The following ST8SIA6 variants were observed in gnomAD, a reference collection of about 807,000 sequenced individuals.
ST8SIA6 encodes the protein alpha-2,8-sialyltransferase 8F.
ST8SIA6 carries 39 observed loss-of-function variants against 33.6 expected under a neutral mutation model. That is an observed-to-expected ratio of 1.16 (90% confidence interval 0.90 to 1.52). ST8SIA6 has a LOEUF of 1.52. Among genes scored for constraint, ST8SIA6 ranks in the 40% most tolerant of loss-of-function variants. The pLI is 0.00. For missense variants in ST8SIA6, 441 were observed against 443.8 expected (o/e 0.99, Z 0.06); for synonymous variants, 172 against 167.2 (o/e 1.03, Z -0.22).
At chr10:17,452,942 T>A (rs1181294998) in intron 2 of ST8SIA6, among the ~76,000 whole-genome samples, 1 of 152,082 alleles carries the variant, frequency 6.6e-6, no homozygotes, top group Non-Finnish European at 1.5e-5. Flanking sequence ...TTGAATATGG[T>A]CTCTGAGAGG....
intron 4 of ST8SIA6, among the ~76,000 whole-genome samples, chr10:17,341,999 C>T (rs1303455296): frequency 6.6e-6 from 1 of 151,766 alleles, no homozygotes; most frequent in Non-Finnish European, 1.5e-5. Context: ...TTACCAGAAC[C>T]ATGCTGGCAC....
intron 3 of ST8SIA6, among the ~76,000 whole-genome samples, chr10:17,361,627 A>G (rs1297484217): frequency 6.6e-6 from 1 of 151,710 alleles, no homozygotes; most frequent in African/African-American, 2.4e-5. Flanking sequence ...AAAGTCTTCT[A>G]GAAAATTGAA....
intron 6 of ST8SIA6, among the ~76,000 whole-genome samples, chr10:17,324,818 CAT>C (rs1848069744): frequency 1.4e-5 from 2 of 144,000 alleles, no homozygotes; most frequent in African/African-American, 5.1e-5. Flanking sequence ...TACATGCATA[CAT>C]ATTATAGATT....
chr10:17,429,353 C>T (rs1852031293), intron 2 of ST8SIA6, among the ~76,000 whole-genome samples: 1 of 151,832 alleles, frequency 6.6e-6, no homozygotes, highest in Admixed American at 6.6e-5. Context: ...ACTCTGTTGC[C>T]CAGGCTGGAG....
chr10:17,384,500 A>G (rs1380325571), intron 3 of ST8SIA6, among the ~76,000 whole-genome samples: 1 of 152,236 alleles, frequency 6.6e-6, no homozygotes, highest in African/African-American at 2.4e-5. Flanking sequence ...TGGAGAGAGA[A>G]AAAAATTGTG....
In ST8SIA6 at chr10:17,405,879, C is replaced by T. The variant is rs938885134; in HGVS notation, c.201-15259G>A. ...CAGCCTGGGCAAGAGAGCAAGACTC[C>T]ATTTCAAAAAAAAAAAAAAAAAAGA... is the stretch of plus-strand genomic sequence containing the variant. On this transcript the variant is annotated intron_variant, in intron 2 of 7. Transcript: ENST00000377602. Among the ~76,000 whole-genome samples the T allele has an allele frequency of 1.1e-4, 14 of 131,976 alleles. No homozygotes were observed. In the South Asian group the frequency reaches 2.7e-3, roughly 26 times the overall value. 86.6% of individuals were successfully genotyped at this position (131,976 alleles called of 152,430 possible). A position where few individuals can be genotyped will look rare whatever the true frequency, so the allele number is the denominator to read the frequency against.
At position 17,321,101 on chromosome 10, in the gene ST8SIA6, A is replaced by T; in HGVS notation, c.974T>A (p.Leu325Ter). The T allele has an allele frequency of 6.2e-7, 1 of 1,614,118 alleles. No homozygotes were observed. ...TTCCACTGCAACACTTGTGATCATC[A>T]AGCCGGTGGACAAGCGGTATGCAGT... is the stretch of plus-strand genomic sequence containing the variant. ...GVTAYRLSTG[L>*]MITSVAVELC... Residue 325 changes from leucine to a stop codon, truncating the protein, a stop_gained, in exon 8 of 8, where the codon TTG (leucine) becomes TAG (stop). Coordinates refer to ENST00000377602, the MANE Select transcript of ST8SIA6 (RefSeq NM_001004470.3). LOFTEE classifies it high-confidence loss of function.
intron 3 of ST8SIA6, among the ~76,000 whole-genome samples, chr10:17,363,285 T>TGC: frequency 7.4e-6 from 1 of 134,384 alleles, no homozygotes; most frequent in East Asian, 2.7e-4. Context: ...ATTAAAGGCA[T>TGC]GCATATGTGT....
chr10:17,339,594 C>G (rs1324615049), intron 4 of ST8SIA6, among the ~76,000 whole-genome samples: 1 of 152,156 alleles, frequency 6.6e-6, no homozygotes, highest in Non-Finnish European at 1.5e-5. Context: ...CAATCCAGCA[C>G]TTGCCTGTCT....
rs375072438 is a variant in ST8SIA6, at chr10:17,446,867, G to T, written c.200+6692C>A. On this transcript the variant is annotated intron_variant, in intron 2 of 7. Transcript: ENST00000377602. ...CACCTGAGGTCAGGAGTTCAAGACT[G>T]GCCTGGTGTCTACCAAAAAAAAAAA... Among the ~76,000 whole-genome samples, 6 of 150,540 alleles carry T rather than the reference G, an allele frequency of 4.0e-5. 1 individual carries two copies. In the South Asian group the frequency reaches 1.3e-3, roughly 32 times the overall value.
Position 17,408,456 on chromosome 10 carries a change from G to A in ST8SIA6, c.201-17836C>T, listed in dbSNP as rs1038166790. ...GAGGAGGGTGGATCACTTGAGGTCAGGAGTTCAGGATCAGCCTGGCCAACA... is the reference window on the plus strand; with the variant it reads ...GAGGAGGGTGGATCACTTGAGGTCAAGAGTTCAGGATCAGCCTGGCCAACA... On this transcript the variant is annotated intron_variant, in intron 2 of 7. Transcript: ENST00000377602. 5.9e-5 allele frequency among the ~76,000 whole-genome samples: 9 copies of A among 152,214 alleles called. No individual in the cohort carries two copies. In the East Asian group the frequency reaches 1.8e-3, roughly 30 times the overall value.
intron 4 of ST8SIA6, among the ~76,000 whole-genome samples, chr10:17,345,268 G>A (rs1371867584): frequency 6.6e-6 from 1 of 152,150 alleles, no homozygotes; most frequent in Non-Finnish European, 1.5e-5. Context: ...GCTCTGAGTG[G>A]GACAATCCAC....
At chr10:17,341,872 G>A (rs1297458455) in intron 4 of ST8SIA6, among the ~76,000 whole-genome samples, 6 of 130,606 alleles carry the variant, frequency 4.6e-5, no homozygotes, top group Admixed American at 3.7e-4. Flanking sequence ...CTGCACTCCA[G>A]CCTGGGCAAC....
chr10:17,416,863 T>C (rs944609934), intron 2 of ST8SIA6, among the ~76,000 whole-genome samples: 2 of 152,226 alleles, frequency 1.3e-5, no homozygotes, highest in Non-Finnish European at 2.9e-5. Context: ...CTTCTGAGGC[T>C]TCACTTATTA....
chr10:17,425,536 C>T (rs545108872), intron 2 of ST8SIA6, among the ~76,000 whole-genome samples: 25 of 151,618 alleles, frequency 1.6e-4, no homozygotes, highest in African/African-American at 4.8e-4. Flanking sequence ...CACTGCACTC[C>T]GGCCTAGGCA....
chr10:17,343,957 T>A (rs1030874018), intron 4 of ST8SIA6, among the ~76,000 whole-genome samples: 4 of 152,174 alleles, frequency 2.6e-5, no homozygotes, highest in Non-Finnish European at 5.9e-5. Context: ...TATAAAAGCC[T>A]TATGAGGGAA....
chr10:17,375,016 AGCCTCAACCTCCTG>A (rs146094929), intron 3 of ST8SIA6, among the ~76,000 whole-genome samples: 27,322 of 151,594 alleles, frequency 0.18, 2,581 homozygotes, highest in South Asian at 0.22. Context: ...AGCTCACTGC[AGCCTCAACCTCCTG>A]GCCTCAAGCG....
chr10:17,429,959 G>C (rs1273939206), intron 2 of ST8SIA6, among the ~76,000 whole-genome samples: 1 of 152,034 alleles, frequency 6.6e-6, no homozygotes, highest in Admixed American at 6.5e-5. Context: ...TGGATGAATT[G>C]TACAGTGGTG....
chr10:17,414,232 C>T (rs1311678372), intron 2 of ST8SIA6, among the ~76,000 whole-genome samples: 1 of 152,224 alleles, frequency 6.6e-6, no homozygotes, highest in Non-Finnish European at 1.5e-5. Context: ...TGAATGATTT[C>T]ACTCTAAGTT....
Sources: gnomAD v4.1 joint callset for allele counts (sites outside exome capture counted in the v4.1 genomes callset) on GRCh38, gnomAD v4.1.1 for gene constraint, MANE v1.5 for transcripts, NCBI Gene and HGNC (gene_info 2026-07-23, HGNC 2026-07-21) for gene names.